CORO2A: variants seen among roughly 807,000 people sequenced by gnomAD.
CORO2A encodes coronin 2A.
CORO2A carries 47 observed loss-of-function variants against 62.4 expected under a neutral mutation model. The observed-to-expected ratio is 0.75, with a 90% CI of 0.60 to 0.96. The LOEUF (loss-of-function observed/expected upper bound fraction) is 0.96, where lower values mean the gene tolerates loss of function less well. Ranked by LOEUF, CORO2A falls within the 40% of genes least tolerant of loss-of-function variation. The pLI is 0.00. For missense variants in CORO2A, 610 were observed against 684.1 expected (o/e 0.89, Z 1.21); for synonymous variants, 273 against 268.9 (o/e 1.02, Z -0.15).
chr9:98,132,326 T>A (rs759503557), intron 5 of CORO2A, 25 bp from the exon 6 acceptor site: 2 of 1,593,598 alleles, frequency 1.3e-6, no homozygotes, highest in South Asian at 2.2e-5. Context: ...GCGGTCGGTA[T>A]TGGAGAGACA....
rs1827268099 is a variant in CORO2A at position 98,123,372 on chromosome 9, T to C, written c.*1402A>G. On this transcript the variant is annotated 3_prime_UTR_variant, in exon 12 of 12. Coordinates refer to ENST00000375077, the MANE Select transcript of CORO2A (RefSeq NM_052820.4). ...TCAAACTTCTAAAAAAATTTTTTTT[T>C]CCTAGCAGAATTGTTTTTCATACTA... 1 of 152,210 alleles carries C rather than the reference T, an allele frequency of 6.6e-6. No individual in the cohort carries two copies. Among genetic ancestry groups the C allele is most frequent in the African/African-American group, 2.4e-5 (1 of 41,452 alleles). The allele number at this position is 152,210 out of a possible 1,614,324, so 9.4% of individuals were successfully genotyped here. A position where few individuals can be genotyped will look rare whatever the true frequency, so the allele number is the denominator to read the frequency against.
Position 98,133,048 on chromosome 9 carries a change from G to C in CORO2A, c.638C>G (p.Thr213Ser). ...KIRVIDPRAG[T>S]VLQEASYKGH... ...TGGCCCAGAACTGACCTGGAGGACG[G>C]TCCCTGCTCGGGGGTCAATAACCCG... The change falls in exon 5 of 12, where the codon ACC (threonine) becomes AGC (serine). Residue 213 changes from threonine (T) to serine (S), a missense_variant. Coordinates refer to ENST00000375077, the MANE Select transcript of CORO2A (RefSeq NM_052820.4). The C allele has an allele frequency of 6.2e-7, 1 of 1,614,224 alleles. No homozygotes were observed. The highest frequency in any genetic ancestry group is 8.5e-7 in the Non-Finnish European group (1 of 1,180,034).
chr9:98,126,534 C>T lies in CORO2A; in HGVS notation c.1446+15G>A, dbSNP rs766872431. On this transcript the variant is annotated intron_variant, in intron 11 of 11. Coordinates refer to ENST00000375077, the MANE Select transcript of CORO2A (RefSeq NM_052820.4). ...GCTGCCCCATGTGAAAGGCCCACCC[C>T]GTCCTCCTTCACACCTCATTCTCTG... 39 of 1,607,874 alleles carry T rather than the reference C, an allele frequency of 2.4e-5. No individual in the cohort carries two copies. Among genetic ancestry groups the T allele is most frequent in the South Asian group, 1.4e-4 (13 of 90,654 alleles).
At chr9:98,132,080 TA>T in intron 6 of CORO2A, 104 bp downstream of exon 6, 1 of 913,678 alleles carries the variant, frequency 1.1e-6, no homozygotes, top group Non-Finnish European at 1.8e-6. Flanking sequence ...CAGTCTACGC[TA>T]AATGTGTGTG....
chr9:98,134,337 T>C (rs1448131694), intron 4 of CORO2A, among the ~76,000 whole-genome samples: 1 of 152,126 alleles, frequency 6.6e-6, no homozygotes, highest in Non-Finnish European at 1.5e-5. Flanking sequence ...GGGGAACGAT[T>C]TTCTGGGCAG....
chr9:98,151,293 G>A (rs1827721175), intron 2 of CORO2A, among the ~76,000 whole-genome samples: 1 of 152,202 alleles, frequency 6.6e-6, no homozygotes, highest in African/African-American at 2.4e-5. Flanking sequence ...AATGCTGTGG[G>A]AATTTGAGGG....
intron 2 of CORO2A, among the ~76,000 whole-genome samples, chr9:98,148,850 C>T (rs2118853334): frequency 6.6e-6 from 1 of 152,070 alleles, no homozygotes; most frequent in Middle Eastern, 3.4e-3. Flanking sequence ...AACAACCCAG[C>T]TGAACTGCGA....
At chr9:98,148,663 G>C (rs1000971250) in intron 2 of CORO2A, among the ~76,000 whole-genome samples, 1 of 151,768 alleles carries the variant, frequency 6.6e-6, no homozygotes, top group Non-Finnish European at 1.5e-5. Context: ...AGGATTGCTT[G>C]AGCCCAGGAA....
chr9:98,126,960 A>C, intron 10 of CORO2A, 137 bp from the exon 11 acceptor site: 2 of 956,582 alleles, frequency 2.1e-6, no homozygotes, highest in South Asian at 1.5e-5. Context: ...AAATACAGCT[A>C]CCTGTGGACA....
rs542898918 is a variant in CORO2A, at chr9:98,161,608, T to C, written c.1-3948A>G. Among the ~76,000 whole-genome samples the C allele has an allele frequency of 2.6e-5, 4 of 152,166 alleles. No individual in the cohort carries two copies. The South Asian group carries it at 8.3e-4, about 32-fold the overall frequency. On this transcript the variant is annotated intron_variant, in intron 1 of 11. Coordinates refer to ENST00000375077, the MANE Select transcript of CORO2A (RefSeq NM_052820.4). ...AAAGCAGGGGAGATAGAGGACCAGA[T>C]TTAATTTTCAGGTTTTCCTCTGATT...
chr9:98,192,489 C>A (rs1433441755), intron 1 of CORO2A, 70 bp downstream of exon 1: 1 of 92,736 alleles, frequency 1.1e-5, no homozygotes, highest in African/African-American at 4.0e-5. Context: ...AGCCGCAGCG[C>A]GCACGTCCCG....
At chr9:98,175,658 C>T (rs1421531987) in intron 1 of CORO2A, among the ~76,000 whole-genome samples, 11 of 152,190 alleles carry the variant, frequency 7.2e-5, no homozygotes, top group Admixed American at 6.5e-4. Flanking sequence ...TTATTTATTA[C>T]ACAACACAAT....
In CORO2A at chr9:98,174,982, A is replaced by G. The variant is rs370931557; in HGVS notation, c.1-17322T>C. On this transcript the variant is annotated intron_variant, in intron 1 of 11. Coordinates refer to ENST00000375077, the MANE Select transcript of CORO2A (RefSeq NM_052820.4). Reference sequence around the variant, plus strand: ...TATCACCATCATTAAAAAAATAATAAAGAAAAGAGAAATGACAGCACTTAG... The same window carrying G: ...TATCACCATCATTAAAAAAATAATAGAGAAAAGAGAAATGACAGCACTTAG... Among the ~76,000 whole-genome samples the G allele has an allele frequency of 1.1e-4, 16 of 152,248 alleles. No individual in the cohort carries two copies. In the East Asian group the frequency reaches 2.7e-3, roughly 26 times the overall value.
intron 1 of CORO2A, among the ~76,000 whole-genome samples, chr9:98,173,366 T>C (rs1018184687): frequency 6.6e-6 from 1 of 152,134 alleles, no homozygotes; most frequent in Non-Finnish European, 1.5e-5. Flanking sequence ...GCGCGGAGGA[T>C]TATCTCCACT....
chr9:98,184,916 T>C (rs1214266829), intron 1 of CORO2A, among the ~76,000 whole-genome samples: 1 of 152,222 alleles, frequency 6.6e-6, no homozygotes, highest in Non-Finnish European at 1.5e-5. Flanking sequence ...GGTAGGTGCC[T>C]GGCATTTTGT....
At chr9:98,135,460 C>G (rs1271809529) in intron 3 of CORO2A, among the ~76,000 whole-genome samples, 1 of 152,138 alleles carries the variant, frequency 6.6e-6, no homozygotes, top group Admixed American at 6.5e-5. Flanking sequence ...CCCTGGATGG[C>G]CTGCAAGAGG....
At chr9:98,157,884 C>T (rs1827829153) in intron 1 of CORO2A, among the ~76,000 whole-genome samples, 1 of 152,190 alleles carries the variant, frequency 6.6e-6, no homozygotes, top group Non-Finnish European at 1.5e-5. Context: ...CTATTACTGA[C>T]CTGCTTGCTG....
intron 1 of CORO2A, among the ~76,000 whole-genome samples, chr9:98,163,433 G>A (rs1204623937): frequency 6.6e-6 from 1 of 152,164 alleles, no homozygotes; most frequent in Non-Finnish European, 1.5e-5. Flanking sequence ...CAGGTGATCC[G>A]CCTACCTTGG....
chr9:98,166,672 C>T (rs1827965295), intron 1 of CORO2A, among the ~76,000 whole-genome samples: 1 of 152,162 alleles, frequency 6.6e-6, no homozygotes, highest in Admixed American at 6.5e-5. Context: ...CTGGAATATA[C>T]ACCCTTAAAG....
Sources: allele counts gnomAD v4.1 joint callset (sites outside exome capture counted in the v4.1 genomes callset), GRCh38; gene constraint gnomAD v4.1.1; transcripts MANE v1.5; gene names NCBI Gene and HGNC (gene_info 2026-07-23, HGNC 2026-07-21).